The following SLC4A8 variants were observed in gnomAD, a reference collection of about 807,000 sequenced individuals.
SLC4A8 encodes solute carrier family 4 member 8, also known as electroneutral sodium bicarbonate exchanger 1.
Under a neutral mutation model 125.0 loss-of-function variants are expected in SLC4A8, and 40 were observed. The observed-to-expected ratio is 0.32, with a 90% CI of 0.25 to 0.42. The LOEUF is 0.42. Ranked by LOEUF, SLC4A8 falls within the 10% of genes least tolerant of loss-of-function variation. The pLI is 1.00. For missense variants in SLC4A8, 863 were observed against 1,355.1 expected (o/e 0.64, Z 5.70); for synonymous variants, 456 against 476.0 (o/e 0.96, Z 0.55).
At chr12:51,490,460 G>A (rs1317405445) in intron 19 of SLC4A8, among the ~76,000 whole-genome samples, 1 of 151,796 alleles carries the variant, frequency 6.6e-6, no homozygotes, top group Admixed American at 6.6e-5. Context: ...TCAGGCAGGA[G>A]GCTGAGGCGG....
intron 5 of SLC4A8, 70 bp from the exon 6 acceptor site, chr12:51,457,281 C>A: frequency 7.4e-7 from 1 of 1,359,756 alleles, no homozygotes; most frequent in Non-Finnish European, 1.0e-6. Flanking sequence ...TACCCCACTC[C>A]ACCTGATGTT....
intron 19 of SLC4A8, 99 bp downstream of exon 19, chr12:51,490,050 G>A (rs1233457033): frequency 1.7e-6 from 2 of 1,145,122 alleles, no homozygotes; most frequent in Non-Finnish European, 2.5e-6. Flanking sequence ...ATACTTACAA[G>A]TATAAATCCC....
chr12:51,458,743 G>GC, intron 7 of SLC4A8, 93 bp downstream of exon 7: 2 of 842,570 alleles, frequency 2.4e-6, no homozygotes, highest in Non-Finnish European at 4.0e-6. Context: ...AAGGTTTAGT[G>GC]TTTCAAGACT....
At chr12:51,467,771 CTTAAT>C (rs10550637) in intron 11 of SLC4A8, among the ~76,000 whole-genome samples, 2,148 of 152,296 alleles carry the variant, frequency 0.014, 53 homozygotes, top group African/African-American at 0.049. Flanking sequence ...TTTCTTCTCA[CTTAAT>C]TTTATTTTTA....
rs1465185862 is a variant in SLC4A8, at chr12:51,512,051, AT to A, written c.*4617del. On this transcript the variant is annotated 3_prime_UTR_variant, in exon 25 of 25. Transcript: ENST00000453097. ...GGCTGTGTCATCCGGGATTGTTGGA[AT>A]TTTGCATGTGTCTGTTCCATATCCC... 6.6e-6 allele frequency: 1 copy of A among 152,168 alleles called. No homozygotes were observed. Among genetic ancestry groups the A allele is most frequent in the Non-Finnish European group, 1.5e-5 (1 of 68,034 alleles). The allele number at this position is 152,168 out of a possible 1,614,324, so 9.4% of individuals were successfully genotyped here. A position where few individuals can be genotyped will look rare whatever the true frequency, so the allele number is the denominator to read the frequency against.
chr12:51,505,345 GCACCT>G (rs1308207525), intron 23 of SLC4A8, among the ~76,000 whole-genome samples: 39 of 152,292 alleles, frequency 2.6e-4, no homozygotes, highest in African/African-American at 9.1e-4. Flanking sequence ...TTTCATTTCT[GCACCT>G]TCAAAATGAG....
intron 1 of SLC4A8, among the ~76,000 whole-genome samples, chr12:51,407,177 GCC>G (rs1257937848): frequency 6.6e-6 from 1 of 152,150 alleles, no homozygotes; most frequent in Non-Finnish European, 1.5e-5. Context: ...GACGGGAGGA[GCC>G]CTCATGGCCT....
chr12:51,409,769 A>C (rs1456409999), intron 1 of SLC4A8, among the ~76,000 whole-genome samples: 1 of 152,208 alleles, frequency 6.6e-6, no homozygotes, highest in Non-Finnish European at 1.5e-5. Context: ...ACCAAATGTA[A>C]GTCTGGCTGC....
rs562823628 is a variant in SLC4A8 at position 51,503,049 on chromosome 12, A to G, written c.3082-980A>G. Among the ~76,000 whole-genome samples, 9 of 150,440 alleles carry G rather than the reference A, an allele frequency of 6.0e-5. No homozygotes were observed. In the South Asian group the frequency reaches 1.9e-3, roughly 32 times the overall value. ...GTAGAGACGGGGGTTTCACCGTGTTAGCCAGGGTGGTCTCGATCTCCTGAC... is the reference window on the plus strand; with the variant it reads ...GTAGAGACGGGGGTTTCACCGTGTTGGCCAGGGTGGTCTCGATCTCCTGAC... On this transcript the variant is annotated intron_variant, in intron 22 of 24. Transcript: ENST00000453097.
At chr12:51,439,692 A>G (rs1362969710) in intron 1 of SLC4A8, among the ~76,000 whole-genome samples, 1 of 152,016 alleles carries the variant, frequency 6.6e-6, no homozygotes, top group Non-Finnish European at 1.5e-5. Flanking sequence ...ATGAAAATTA[A>G]TTTTTTAGAG....
chr12:51,462,666 G>A (rs542953644), intron 10 of SLC4A8: 60 of 335,558 alleles, frequency 1.8e-4, no homozygotes, highest in Non-Finnish European at 3.0e-4. Context: ...GCCGAGGCAG[G>A]TAGATCACCT....
intron 8 of SLC4A8, 33 bp from the exon 9 acceptor site, chr12:51,461,171 T>TTACA (rs1487125070): frequency 8.7e-7 from 1 of 1,149,392 alleles, no homozygotes; most frequent in Admixed American, 1.7e-5. Context: ...TTATATTTAC[T>TTACA]TACATAATTT....
intron 22 of SLC4A8, among the ~76,000 whole-genome samples, chr12:51,500,422 T>C (rs1376722512): frequency 2.0e-5 from 3 of 152,184 alleles, no homozygotes; most frequent in Non-Finnish European, 4.4e-5. Flanking sequence ...ACTATGATAA[T>C]TATATAATTG....
chr12:51,493,680 C>G, intron 19 of SLC4A8, 24 bp from the exon 20 acceptor site: 1 of 1,525,316 alleles, frequency 6.6e-7, no homozygotes, highest in African/African-American at 1.4e-5. Flanking sequence ...TAATTTCTGG[C>G]CTTTCTTGTC....
intron 1 of SLC4A8, among the ~76,000 whole-genome samples, chr12:51,400,731 TATATA>T (rs1454126787): frequency 0.017 from 5 of 286 alleles, no homozygotes; most frequent in African/African-American, 0.062. Flanking sequence ...CTCCTTTATA[TATATA>T]TATATATATA....
intron 1 of SLC4A8, among the ~76,000 whole-genome samples, chr12:51,401,611 T>C (rs1247987732): frequency 6.6e-6 from 1 of 152,146 alleles, no homozygotes; most frequent in East Asian, 1.9e-4. Context: ...CCTCTTGACG[T>C]CCAGCCGCTT....
rs57565585 is a variant in SLC4A8, at chr12:51,416,211, G to GTTTTTTTTTT, written c.-111-24485_-111-24476dup. Among the ~76,000 whole-genome samples, 23 of 82,496 alleles carry GTTTTTTTTTT rather than the reference G, an allele frequency of 2.8e-4. 2 individuals are homozygous for GTTTTTTTTTT. Among genetic ancestry groups the GTTTTTTTTTT allele is most frequent in the South Asian group, 4.3e-4 (1 of 2,330 alleles). The allele number at this position is 82,496 out of a possible 152,430, so 54.1% of individuals were successfully genotyped here. A position where few individuals can be genotyped will look rare whatever the true frequency, so the allele number is the denominator to read the frequency against. On this transcript the variant is annotated intron_variant, in intron 1 of 24. Transcript: ENST00000358657. Reference sequence around the variant, plus strand: ...TTTGCCTGTTTGATGGAGGTCTTTTGTTTTTTTTTTTTTTTTTTTTTGAGA... The same window carrying GTTTTTTTTTT: ...TTTGCCTGTTTGATGGAGGTCTTTTGTTTTTTTTTTTTTTTTTTTTTTTTTTTTTTTGAGA...
chr12:51,433,884 G>GTTTTTTTTTTTTTTTTTTTTTTTTT (rs1565772495), intron 1 of SLC4A8, among the ~76,000 whole-genome samples: 2 of 72,202 alleles, frequency 2.8e-5, no homozygotes, highest in African/African-American at 5.5e-5. Flanking sequence ...TTTTTGGTTG[G>GTTTTTTTTTTTTTTTTTTTTTTTTT]TTTTTTTTTG....
intron 1 of SLC4A8, among the ~76,000 whole-genome samples, chr12:51,402,770 G>C (rs1191984354): frequency 6.6e-6 from 1 of 152,140 alleles, no homozygotes; most frequent in Non-Finnish European, 1.5e-5. Flanking sequence ...TTGACTCCTA[G>C]GCATTTATTT....
Sources: gnomAD v4.1 joint callset for allele counts (sites outside exome capture counted in the v4.1 genomes callset) on GRCh38, gnomAD v4.1.1 for gene constraint, MANE v1.5 for transcripts, NCBI Gene and HGNC (gene_info 2026-07-23, HGNC 2026-07-21) for gene names.